The following SEC63 variants were observed in gnomAD, a reference collection of about 807,000 sequenced individuals.
The protein encoded by SEC63 is translocation protein SEC63 homolog.
In SEC63, 56 loss-of-function variants were observed where a neutral mutation model predicts 116.2. The observed-to-expected ratio is 0.48, with a 90% CI of 0.39 to 0.60. The LOEUF (loss-of-function observed/expected upper bound fraction) is 0.60, where lower values mean the gene tolerates loss of function less well. Among genes scored for constraint, SEC63 ranks in the 20% least tolerant of loss-of-function variants. The pLI, the probability that SEC63 is intolerant of heterozygous loss-of-function variation, is 0.00. For missense variants in SEC63, 668 were observed against 900.0 expected, an observed-to-expected ratio of 0.74 and a Z score of 3.30; for synonymous variants, 273 against 294.6, an observed-to-expected ratio of 0.93 and a Z score of 0.75.
At chr6:107,905,662 G>A (rs1787132754) in intron 10 of SEC63, among the ~76,000 whole-genome samples, 1 of 152,174 alleles carries the variant, frequency 6.6e-6, no homozygotes, top group Non-Finnish European at 1.5e-5. Context: ...GGTAACCACT[G>A]TCGGAGGAAG....
chr6:107,904,408 TC>T (rs1787091098), intron 11 of SEC63, among the ~76,000 whole-genome samples: 1 of 144,238 alleles, frequency 6.9e-6, no homozygotes, highest in African/African-American at 2.6e-5. Flanking sequence ...AGACTCCATC[TC>T]AAAAAAAAAA....
chr6:107,916,728 T>C (rs549848939), intron 4 of SEC63, among the ~76,000 whole-genome samples: 2 of 152,350 alleles, frequency 1.3e-5, no homozygotes, highest in East Asian at 1.9e-4. Context: ...TATAGTGATA[T>C]GTGATCTTTG....
At position 107,904,733 on chromosome 6, in the gene SEC63, T is replaced by A. The variant is rs1562323143; in HGVS notation, c.962-12A>T. On this transcript the variant is annotated splice_polypyrimidine_tract_variant and intron_variant, in intron 10 of 20. Transcript: ENST00000369002. Reference sequence around the variant, plus strand: ...CATGAATTGCTGATCTGCAAAACAATAAAAAACCTGAAACAGATCATTTTA... The same window carrying A: ...CATGAATTGCTGATCTGCAAAACAAAAAAAAACCTGAAACAGATCATTTTA... The A allele has an allele frequency of 6.3e-7, 1 of 1,582,500 alleles. No homozygotes were observed. The highest frequency in any genetic ancestry group is 1.1e-5 in the South Asian group (1 of 90,442).
chr6:107,935,333 T>G (rs1269492500), intron 1 of SEC63, among the ~76,000 whole-genome samples: 61 of 150,516 alleles, frequency 4.1e-4, no homozygotes, highest in Non-Finnish European at 8.0e-4. Flanking sequence ...ACAATGGCGG[T>G]TTTGTGGAAT....
intron 1 of SEC63, among the ~76,000 whole-genome samples, chr6:107,946,276 G>A (rs1454690837): frequency 2.0e-5 from 3 of 147,618 alleles, no homozygotes; most frequent in African/African-American, 2.5e-5. Context: ...TCTGTCGCCC[G>A]GGCCAGAGTG....
At chr6:107,903,441 C>T (rs1480264888) in intron 11 of SEC63, among the ~76,000 whole-genome samples, 1 of 151,444 alleles carries the variant, frequency 6.6e-6, no homozygotes. Flanking sequence ...TGGCTCATGA[C>T]TGTAATCCCA....
chr6:107,931,208 G>A (rs1787798275), intron 1 of SEC63, among the ~76,000 whole-genome samples: 1 of 151,918 alleles, frequency 6.6e-6, no homozygotes, highest in African/African-American at 2.4e-5. Context: ...CAGGTGTGGT[G>A]GCGCGTGCCT....
At chr6:107,897,546 G>T (rs1006229220) in intron 14 of SEC63, 103 bp downstream of exon 14, 6 of 851,130 alleles carry the variant, frequency 7.0e-6, no homozygotes, top group Non-Finnish European at 9.8e-6. Flanking sequence ...TGCAAAATTA[G>T]ATCTTGGTAT....
chr6:107,877,570 A>C (rs926401457), intron 18 of SEC63, among the ~76,000 whole-genome samples: 1 of 152,026 alleles, frequency 6.6e-6, no homozygotes, highest in Non-Finnish European at 1.5e-5. Context: ...CAGCTTCCCA[A>C]GTAGCTGAGA....
chr6:107,898,307 A>T (rs895029968), intron 13 of SEC63, among the ~76,000 whole-genome samples: 1 of 151,790 alleles, frequency 6.6e-6, no homozygotes, highest in African/African-American at 2.4e-5. Context: ...AAATACCCAA[A>T]CCCACACAAC....
chr6:107,953,608 G>A (rs1206132782), intron 1 of SEC63, among the ~76,000 whole-genome samples: 1 of 147,214 alleles, frequency 6.8e-6, no homozygotes, highest in African/African-American at 2.5e-5. Context: ...CGCCCCGTCC[G>A]GGAGGTGAGG....
At chr6:107,896,967 T>G (rs1583737447) in intron 14 of SEC63, among the ~76,000 whole-genome samples, 3 of 129,562 alleles carry the variant, frequency 2.3e-5, no homozygotes, top group African/African-American at 5.9e-5. Flanking sequence ...GAAACAAGGG[T>G]GAAACTCCGT....
At chr6:107,925,045 C>T in intron 2 of SEC63, 113 bp from the exon 3 acceptor site, 1 of 717,648 alleles carries the variant, frequency 1.4e-6, no homozygotes, top group East Asian at 2.6e-5. Context: ...CACTATGCTA[C>T]TGACTCAAAT....
chr6:107,906,453 T>G lies in SEC63; in HGVS notation c.956A>C (p.Glu319Ala), dbSNP rs374322662. 6.2e-7 allele frequency: 1 copy of G among 1,614,018 alleles called. No homozygotes were observed. The highest frequency in any genetic ancestry group is 8.5e-7 in the Non-Finnish European group (1 of 1,180,010). ...GATACCGGAATCACAAATACCTTCT[T>G]CAAGGGTCTCAGGAATTTTCATTCT... ...LARMKIPETL[E>A]EDQQFMLKKC... The change falls in exon 10 of 21, where the codon GAA becomes GCA. Residue 319 changes from glutamate (E) to alanine (A), a missense_variant. By Grantham distance (107) the Glu-to-Ala change is moderately radical (BLOSUM62 -1). Around this residue, in one of 5 missense-constraint regions of SEC63, gnomAD observed 430 missense variants for 557.5 expected, o/e 0.77. Coordinates refer to ENST00000369002, the MANE Select transcript of SEC63 (RefSeq NM_007214.5).
intron 4 of SEC63, among the ~76,000 whole-genome samples, chr6:107,919,624 C>T (rs1472452600): frequency 6.6e-6 from 1 of 151,886 alleles, no homozygotes; most frequent in Non-Finnish European, 1.5e-5. Flanking sequence ...AAATCAAGAC[C>T]ATCCTGGCTA....
At chr6:107,878,855 CAAA>C (rs551139934) in intron 18 of SEC63, among the ~76,000 whole-genome samples, 1 of 126,964 alleles carries the variant, frequency 7.9e-6, no homozygotes, top group Non-Finnish European at 1.7e-5. Flanking sequence ...AATTCCAGCT[CAAA>C]AAAAAAAAAG....
At chr6:107,948,467 A>G (rs1475129886) in intron 1 of SEC63, among the ~76,000 whole-genome samples, 1 of 152,200 alleles carries the variant, frequency 6.6e-6, no homozygotes, top group African/African-American at 2.4e-5. Flanking sequence ...CAGGCTAGCT[A>G]GCACTCACTC....
chr6:107,919,577 C>T (rs1441727092), intron 4 of SEC63, among the ~76,000 whole-genome samples: 2 of 152,158 alleles, frequency 1.3e-5, no homozygotes, highest in African/African-American at 4.8e-5. Context: ...AATCCCAGCA[C>T]TTTGGGAGGC....
At chr6:107,889,896 C>A (rs550101) in intron 16 of SEC63, among the ~76,000 whole-genome samples, 3,677 of 152,154 alleles carry the variant, frequency 0.024, 126 homozygotes, top group African/African-American at 0.083. Flanking sequence ...CAGTTCTGAG[C>A]GAGTTTCCTA....
Sources: gnomAD v4.1 joint callset for allele counts (sites outside exome capture counted in the v4.1 genomes callset) on GRCh38, gnomAD v4.1.1 for gene constraint, gnomAD v4.1.1 regional missense constraint, MANE v1.5 for transcripts, NCBI Gene and HGNC (gene_info 2026-07-23, HGNC 2026-07-21) for gene names.